The following ZNF658 variants were observed in gnomAD, a reference collection of about 807,000 sequenced individuals.
The protein encoded by ZNF658 is zinc finger protein 658.
ZNF658 carries 46 observed loss-of-function variants against 78.0 expected under a neutral mutation model. That is an observed-to-expected ratio of 0.59 (90% confidence interval 0.47 to 0.75). The LOEUF is 0.75. Ranked by LOEUF, ZNF658 falls within the 30% of genes least tolerant of loss-of-function variation. The pLI, the probability that ZNF658 is intolerant of heterozygous loss-of-function variation, is 0.00. For missense variants in ZNF658, 785 were observed against 1,189.3 expected, an observed-to-expected ratio of 0.66 and a Z score of 5.00; for synonymous variants, 279 against 408.4, an observed-to-expected ratio of 0.68 and a Z score of 3.82.
At chr9:66,929,053 G>T (rs941528923) in intron 6 of ZNF658, among the ~76,000 whole-genome samples, 9 of 152,098 alleles carry the variant, frequency 5.9e-5, no homozygotes, top group African/African-American at 1.9e-4. Context: ...GACAGAGACA[G>T]AGGGGTGTGA....
At chr9:66,902,225 G>C (rs1175073920) in intron 1 of ZNF658, among the ~76,000 whole-genome samples, 1 of 146,352 alleles carries the variant, frequency 6.8e-6, no homozygotes, top group African/African-American at 2.6e-5. Flanking sequence ...GAGCAAAGCA[G>C]CTCCTATGAG....
At chr9:66,927,881 TG>T (rs1330829904) in intron 6 of ZNF658, among the ~76,000 whole-genome samples, 1 of 105,800 alleles carries the variant, frequency 9.5e-6, no homozygotes, top group African/African-American at 3.6e-5. Context: ...TGCTTATCAA[TG>T]GGTATAAAAT....
intron 6 of ZNF658, among the ~76,000 whole-genome samples, chr9:66,929,410 T>G (rs964065707): frequency 8.2e-5 from 11 of 134,146 alleles, no homozygotes; most frequent in Non-Finnish European, 1.7e-4. Context: ...TTGAGAATTC[T>G]TCTTAAAGCT....
At chr9:66,930,663 C>G (rs139343816) in intron 6 of ZNF658, among the ~76,000 whole-genome samples, 29,129 of 151,768 alleles carry the variant, frequency 0.19, 2,963 homozygotes, top group South Asian at 0.34. Flanking sequence ...TACAACAGAG[C>G]AAGACTCCGT....
At chr9:66,914,799 T>C (rs920143939) in intron 4 of ZNF658, among the ~76,000 whole-genome samples, 1 of 152,126 alleles carries the variant, frequency 6.6e-6, no homozygotes, top group African/African-American at 2.4e-5. Flanking sequence ...TCTATGTTTA[T>C]ATATTTCAGT....
At chr9:66,927,113 C>A (rs1279483703) in intron 6 of ZNF658, among the ~76,000 whole-genome samples, 1 of 152,106 alleles carries the variant, frequency 6.6e-6, no homozygotes, top group Admixed American at 6.5e-5. Flanking sequence ...TAAGAAAACA[C>A]TGGGAAAAAG....
chr9:66,921,099 C>T lies in ZNF658; in HGVS notation c.*353C>T, dbSNP rs935103106. On this transcript the variant is annotated 3_prime_UTR_variant, in exon 5 of 5. Coordinates refer to ENST00000621410, the MANE Select transcript of ZNF658 (RefSeq NM_033160.7). The stretch of plus-strand genomic sequence containing the variant: ...AACGAACAATTCACTTCCAGGTCTT[C>T]ATCAGGGTTTTGTTTTTGTTGCTTT... 4.3e-6 allele frequency: 1 copy of T among 231,398 alleles called. No individual in the cohort carries two copies. Among genetic ancestry groups the T allele is most frequent in the Non-Finnish European group, 8.5e-6 (1 of 117,626 alleles). 14.3% of individuals were successfully genotyped at this position (231,398 alleles called of 1,614,324 possible). A position where few individuals can be genotyped will look rare whatever the true frequency, so the allele number is the denominator to read the frequency against.
At chr9:66,916,178 G>A (rs536998583) in intron 4 of ZNF658, among the ~76,000 whole-genome samples, 19 of 152,226 alleles carry the variant, frequency 1.2e-4, no homozygotes, top group Admixed American at 3.9e-4. Context: ...GTGAGCCACC[G>A]CGTCTGGCCA....
chr9:66,910,794 C>A (rs1416406307), intron 4 of ZNF658, among the ~76,000 whole-genome samples: 6 of 88,822 alleles, frequency 6.8e-5, no homozygotes, highest in African/African-American at 3.0e-4. Flanking sequence ...AGACTCAGTC[C>A]CAAAAAATTA....
intron 6 of ZNF658, among the ~76,000 whole-genome samples, chr9:66,930,450 GGAT>G (rs1564179952): frequency 1.4e-5 from 2 of 146,244 alleles, no homozygotes; most frequent in African/African-American, 5.0e-5. Flanking sequence ...GTCCAACTCT[GGAT>G]GAGCTTGCCT....
intron 4 of ZNF658, among the ~76,000 whole-genome samples, chr9:66,913,347 C>A (rs1336171879): frequency 2.0e-5 from 3 of 151,912 alleles, no homozygotes; most frequent in South Asian, 2.1e-4. Context: ...ATCGCTTGAA[C>A]TCGGGAGGCA....
chr9:66,908,512 G>A lies in ZNF658; in HGVS notation c.143-127G>A, dbSNP rs1313195250. 1.3e-5 allele frequency: 19 copies of A among 1,450,456 alleles called. No homozygotes were observed. The East Asian group carries it at 3.1e-4, about 24-fold the overall frequency. The allele number at this position is 1,450,456 out of a possible 1,614,324, so 89.8% of individuals were successfully genotyped here. On this transcript the variant is annotated intron_variant, in intron 3 of 4. Transcript: ENST00000621410. ...ACCTTTACAGAAACAAAAGCAACAT[G>A]TCATTACTTTCCCATTAAAAATTTC...
In ZNF658 at chr9:66,901,468, T is replaced by C. The variant is rs1286565083; in HGVS notation, c.-45+632T>C. Among the ~76,000 whole-genome samples the C allele has an allele frequency of 2.0e-5, 3 of 150,778 alleles. No individual in the cohort carries two copies. The East Asian group carries it at 5.9e-4, about 30-fold the overall frequency. Reference sequence around the variant, plus strand: ...CTGTCACCAGATCTGTGTAGATGATTGTGAAGTAAATGTGGACAGAATCTC... The same window carrying C: ...CTGTCACCAGATCTGTGTAGATGATCGTGAAGTAAATGTGGACAGAATCTC... On this transcript the variant is annotated intron_variant, in intron 1 of 4. Transcript: ENST00000621410.
downstream of ZNF658, among the ~76,000 whole-genome samples, chr9:66,922,017 C>A: frequency 1.2e-5 from 1 of 86,572 alleles, no homozygotes; most frequent in East Asian, 2.7e-4. Context: ...AGCTTCCTGG[C>A]CTCTTTGTTT....
chr9:66,931,571 C>T (rs878967407), intron 6 of ZNF658, among the ~76,000 whole-genome samples: 4 of 150,416 alleles, frequency 2.7e-5, no homozygotes, highest in African/African-American at 9.8e-5. Flanking sequence ...AATAATCCTA[C>T]GCTTGGTGAA....
downstream of ZNF658, among the ~76,000 whole-genome samples, chr9:66,922,924 GACAT>G (rs1213776597): frequency 6.6e-6 from 1 of 151,330 alleles, no homozygotes; most frequent in Admixed American, 6.6e-5. Flanking sequence ...GTACATGTAA[GACAT>G]ACACTGGTTA....
intron 6 of ZNF658, among the ~76,000 whole-genome samples, chr9:66,931,453 A>G (rs1251688179): frequency 6.6e-6 from 1 of 152,164 alleles, no homozygotes; most frequent in East Asian, 1.9e-4. Context: ...TCTGTAAGAG[A>G]GAGCCCCAGA....
At chr9:66,915,094 T>C (rs867233215) in intron 4 of ZNF658, among the ~76,000 whole-genome samples, 2 of 141,098 alleles carry the variant, frequency 1.4e-5, no homozygotes, top group African/African-American at 5.3e-5. Context: ...CACACACACA[T>C]ACACATATAT....
chr9:66,926,408 A>G (rs990180657), downstream of ZNF658, among the ~76,000 whole-genome samples: 2 of 151,996 alleles, frequency 1.3e-5, no homozygotes, highest in Non-Finnish European at 2.9e-5. Context: ...GTAAAAATCA[A>G]TTGCATTTCT....
Sources: gnomAD v4.1 joint callset for allele counts (sites outside exome capture counted in the v4.1 genomes callset) on GRCh38, gnomAD v4.1.1 for gene constraint, MANE v1.5 for transcripts, NCBI Gene and HGNC (gene_info 2026-07-23, HGNC 2026-07-21) for gene names.